Variants in ZNF568 observed in about 807,000 individuals in gnomAD.
The protein encoded by ZNF568 is zinc finger protein 568.
A neutral mutation model predicts 18.1 loss-of-function variants in ZNF568; 11 were observed. The observed-to-expected ratio is 0.61, with a 90% CI of 0.38 to 1.00. The LOEUF is 1.00. Ranked by LOEUF, ZNF568 falls within the 50% of genes least tolerant of loss-of-function variation. The pLI is 0.01. For missense variants in ZNF568, 639 were observed against 768.2 expected (o/e 0.83, Z 1.99); for synonymous variants, 213 against 246.6 (o/e 0.86, Z 1.28).
intron 6 of ZNF568, among the ~76,000 whole-genome samples, chr19:36,973,058 A>G (rs1180772417): frequency 1.3e-5 from 2 of 152,160 alleles, no homozygotes; most frequent in Non-Finnish European, 2.9e-5. Context: ...CCTCGGCTTC[A>G]CTGGAGGCGG....
chr19:36,944,290 C>T (rs71356027), intron 6 of ZNF568, among the ~76,000 whole-genome samples: 6,926 of 151,038 alleles, frequency 0.046, 218 homozygotes, highest in Non-Finnish European at 0.067. Context: ...TCCAGCTACT[C>T]GGGAGGCTGA....
intron 2 of ZNF568, 28 bp from the exon 3 acceptor site, chr19:36,922,558 T>G (rs1032985463): frequency 2.6e-5 from 11 of 418,994 alleles, no homozygotes; most frequent in African/African-American, 1.4e-4. Context: ...AGGCACCAGG[T>G]AAATTAGATT....
At chr19:36,991,875 G>C (rs1197415563) in intron 4 of ZNF568, 2 of 1,521,700 alleles carry the variant, frequency 1.3e-6, no homozygotes, top group Non-Finnish European at 1.8e-6. Flanking sequence ...GAATGGGGAG[G>C]CCATAGCAGG....
At chr19:36,927,903 ATTTTTTTTTTTTTTTTTTTTTT>A (rs71177414) in intron 4 of ZNF568, among the ~76,000 whole-genome samples, 1 of 26,622 alleles carries the variant, frequency 3.8e-5, no homozygotes, top group Admixed American at 7.2e-4. Context: ...ATATATATAT[ATTTTTTTTTTTTTTTTTTTTTT>A]TTTTTTGGTG....
Position 36,952,141 on chromosome 19 carries a change from T to G in ZNF568, c.*1053T>G. ...AAATAATGCATAAGAAATATATATA[T>G]AATATATGTATGTATGTATAGCCAG... On this transcript the variant is annotated 3_prime_UTR_variant, in exon 7 of 7. Coordinates refer to ENST00000333987, the MANE Select transcript of ZNF568 (RefSeq NM_198539.4). The G allele has an allele frequency of 2.6e-3, 1,028 of 391,458 alleles. No individual in the cohort carries two copies. Among genetic ancestry groups the G allele is most frequent in the Non-Finnish European group, 3.2e-3 (932 of 291,976 alleles). 24.2% of individuals were successfully genotyped at this position (391,458 alleles called of 1,614,324 possible). A position where few individuals can be genotyped will look rare whatever the true frequency, so the allele number is the denominator to read the frequency against.
chr19:36,964,334 G>A (rs2074177943), intron 6 of ZNF568, among the ~76,000 whole-genome samples: 1 of 152,192 alleles, frequency 6.6e-6, no homozygotes, highest in Non-Finnish European at 1.5e-5. Context: ...GAACCTTTGT[G>A]AAATATTACT....
chr19:36,987,753 C>T (rs933170860), intron 2 of ZNF568, among the ~76,000 whole-genome samples: 2 of 151,806 alleles, frequency 1.3e-5, no homozygotes, highest in African/African-American at 4.8e-5. Context: ...GTTGGATTCC[C>T]TGGGATTCAA....
chr19:36,990,310 A>T (rs777149275), intron 2 of ZNF568, among the ~76,000 whole-genome samples: 3 of 152,188 alleles, frequency 2.0e-5, no homozygotes, highest in Non-Finnish European at 4.4e-5. Flanking sequence ...CAATTTAGCC[A>T]GATGTATAAA....
intron 4 of ZNF568, among the ~76,000 whole-genome samples, chr19:36,934,898 C>G (rs868521319): frequency 6.7e-6 from 1 of 149,634 alleles, no homozygotes; most frequent in South Asian, 2.1e-4. Context: ...CCATTGTGAT[C>G]AAGGAACATA....
chr19:36,974,603 C>A, intron 7 of ZNF568: 1 of 889,132 alleles, frequency 1.1e-6, no homozygotes, highest in Non-Finnish European at 1.7e-6. Flanking sequence ...ATTTATGTAG[C>A]ATTTTCCTAA....
At chr19:36,953,284 A>G (rs941876078), downstream of ZNF568, among the ~76,000 whole-genome samples, 5 of 152,262 alleles carry the variant, frequency 3.3e-5, no homozygotes, top group Admixed American at 6.5e-5. Context: ...TACAACCAGC[A>G]TAGGCATTAA....
At chr19:36,920,760 C>CAGTA (rs1447560871) in intron 2 of ZNF568, among the ~76,000 whole-genome samples, 1 of 150,420 alleles carries the variant, frequency 6.6e-6, no homozygotes, top group African/African-American at 2.5e-5. Context: ...CAGTAGTGTA[C>CAGTA]AGTAGTGTCC....
In ZNF568 at chr19:36,951,667, A is replaced by ATCCT. The variant is rs2074061173; in HGVS notation, c.*580_*581insCCTT. 1 of 117,100 alleles carries ATCCT rather than the reference A, an allele frequency of 8.5e-6. No homozygotes were observed. Among genetic ancestry groups the ATCCT allele is most frequent in the Admixed American group, 8.6e-5 (1 of 11,598 alleles). 7.3% of individuals were successfully genotyped at this position (117,100 alleles called of 1,614,324 possible). On this transcript the variant is annotated 3_prime_UTR_variant, in exon 7 of 7. Transcript: ENST00000333987. ...CATTACGACATACTAAAAAATCAAT[A>ATCCT]TTCTTTTTTTTTTTTTTTTTTTTTT...
intron 6 of ZNF568, among the ~76,000 whole-genome samples, chr19:36,945,285 C>A (rs971413288): frequency 1.3e-5 from 2 of 149,970 alleles, no homozygotes; most frequent in Non-Finnish European, 3.0e-5. Flanking sequence ...AATTGGCCCT[C>A]GGACAACATG....
chr19:36,944,864 G>T (rs1480467903), intron 6 of ZNF568, among the ~76,000 whole-genome samples: 1 of 151,974 alleles, frequency 6.6e-6, no homozygotes, highest in East Asian at 1.9e-4. Flanking sequence ...TGTCTTTTGA[G>T]TTTTCTTCCT....
At chr19:36,974,217 C>T (rs1457040273) in intron 6 of ZNF568, among the ~76,000 whole-genome samples, 1 of 152,092 alleles carries the variant, frequency 6.6e-6, no homozygotes, top group Non-Finnish European at 1.5e-5. Flanking sequence ...AAGAGGGCTA[C>T]GGTCTGGGGG....
At chr19:36,925,376 A>T (rs186454349) in intron 4 of ZNF568, 118 bp downstream of exon 4, 1 of 916,050 alleles carries the variant, frequency 1.1e-6, no homozygotes, top group Non-Finnish European at 1.7e-6. Context: ...GTGAGAAAAA[A>T]TACAGATAGA....
intron 7 of ZNF568, chr19:36,974,585 G>A: frequency 2.0e-6 from 2 of 981,610 alleles, no homozygotes; most frequent in Non-Finnish European, 3.0e-6. Flanking sequence ...AAGAGGGGAG[G>A]AAACTGCATT....
intron 6 of ZNF568, among the ~76,000 whole-genome samples, chr19:36,960,875 G>A (rs894368081): frequency 6.6e-6 from 1 of 151,852 alleles, no homozygotes; most frequent in Non-Finnish European, 1.5e-5. Context: ...ATTCCGTTGT[G>A]GTCTAAGATA....
Sources: gnomAD v4.1 joint callset for allele counts (sites outside exome capture counted in the v4.1 genomes callset) on GRCh38, gnomAD v4.1.1 for gene constraint, MANE v1.5 for transcripts, NCBI Gene and HGNC (gene_info 2026-07-23, HGNC 2026-07-21) for gene names.